SDK1: variants seen among roughly 807,000 people sequenced by gnomAD.
SDK1 encodes the protein sidekick cell adhesion molecule 1, also known as protein sidekick-1.
In SDK1, 157 loss-of-function variants were observed where a neutral mutation model predicts 245.5. The ratio of observed to expected loss-of-function variants is 0.64; its 90% CI spans 0.56 to 0.73. The LOEUF is 0.73. Ranked by LOEUF, SDK1 falls within the 30% of genes least tolerant of loss-of-function variation. The pLI, the probability that SDK1 is intolerant of heterozygous loss-of-function variation, is 0.00. For synonymous variants in SDK1, 1,647 were observed against 1,278.5 expected, an observed-to-expected ratio of 1.29 and a Z score of -6.15; for missense variants, 3,583 against 3,002.3, an observed-to-expected ratio of 1.19 and a Z score of -4.52.
At chr7:3,966,190 G>A (rs1201541989) in intron 9 of SDK1, among the ~76,000 whole-genome samples, 1 of 152,050 alleles carries the variant, frequency 6.6e-6, no homozygotes, top group African/African-American at 2.4e-5. Flanking sequence ...GGTTGCCTGC[G>A]AGGTGGAGAG....
Position 3,545,595 on chromosome 7 carries a change from C to T in SDK1, c.299-73485C>T, listed in dbSNP as rs116400614. Among the ~76,000 whole-genome samples the T allele has an allele frequency of 5.9e-3, 892 of 152,296 alleles. 5 individuals are homozygous for T. The highest frequency in any genetic ancestry group is 0.02 in the African/African-American group (819 of 41,566). Reference sequence around the variant, plus strand: ...CATCCTAGCACCTAGTTTACAGGCACTAAGTGAATATTACATGATTGAAAT... The same window carrying T: ...CATCCTAGCACCTAGTTTACAGGCATTAAGTGAATATTACATGATTGAAAT... On this transcript the variant is annotated intron_variant, in intron 1 of 44. Transcript: ENST00000404826.
chr7:4,220,318 C>T, intron 39 of SDK1, 48 bp downstream of exon 39: 1 of 1,577,238 alleles, frequency 6.3e-7, no homozygotes, highest in Non-Finnish European at 8.7e-7. Context: ...ACTTTAGCCT[C>T]CCGCCTCCTG....
At chr7:3,655,782 C>G (rs1200134931) in intron 4 of SDK1, among the ~76,000 whole-genome samples, 1 of 151,834 alleles carries the variant, frequency 6.6e-6, no homozygotes, top group African/African-American at 2.4e-5. Flanking sequence ...ACTAAGTACA[C>G]TAGATCGAGA....
intron 32 of SDK1, among the ~76,000 whole-genome samples, chr7:4,170,172 G>T (rs968511668): frequency 8.5e-5 from 13 of 152,192 alleles, no homozygotes; most frequent in African/African-American, 2.7e-4. Context: ...TTCAGTCTCA[G>T]CTGTGGCCCA....
At chr7:3,621,948 T>C (rs924625433) in intron 2 of SDK1, among the ~76,000 whole-genome samples, 1 of 152,246 alleles carries the variant, frequency 6.6e-6, no homozygotes, top group Non-Finnish European at 1.5e-5. Flanking sequence ...TTATAGTATT[T>C]AATAAGTCAC....
At chr7:3,635,184 T>C (rs1782418270) in intron 2 of SDK1, among the ~76,000 whole-genome samples, 1 of 152,224 alleles carries the variant, frequency 6.6e-6, no homozygotes, top group Non-Finnish European at 1.5e-5. Flanking sequence ...TTTGACATTA[T>C]TGTGATTGTA....
rs372707911 is a variant in SDK1, at chr7:4,266,295, A to G, written c.*911A>G. On this transcript the variant is annotated 3_prime_UTR_variant, in exon 45 of 45. Transcript: ENST00000404826. The stretch of plus-strand genomic sequence containing the variant: ...CTTTTTTTAAACTATGTCACATGAA[A>G]TGAATGCGTCTTTGCTGTCTCCAGG... 2 of 985,434 alleles carry G rather than the reference A, an allele frequency of 2.0e-6. No homozygotes were observed. Among genetic ancestry groups the G allele is most frequent in the Non-Finnish European group, 2.4e-6 (2 of 829,912 alleles). 61.0% of individuals were successfully genotyped at this position (985,434 alleles called of 1,614,324 possible). A position where few individuals can be genotyped will look rare whatever the true frequency, so the allele number is the denominator to read the frequency against.
chr7:3,494,873 T>C (rs7794763), intron 1 of SDK1, among the ~76,000 whole-genome samples: 89,633 of 152,080 alleles, frequency 0.59, 26,828 homozygotes, highest in South Asian at 0.77. Context: ...AGGATTTCTT[T>C]ACACTTCTGC....
At chr7:3,770,565 C>T (rs1442501790) in intron 4 of SDK1, among the ~76,000 whole-genome samples, 1 of 152,186 alleles carries the variant, frequency 6.6e-6, no homozygotes. Flanking sequence ...ACATTCTCAC[C>T]AGCAACGTCT....
intron 17 of SDK1, among the ~76,000 whole-genome samples, chr7:4,046,606 T>A (rs1789031339): frequency 6.6e-6 from 1 of 152,220 alleles, no homozygotes; most frequent in South Asian, 2.1e-4. Context: ...GATATATGTG[T>A]GAGTAATTTC....
intron 19 of SDK1, among the ~76,000 whole-genome samples, chr7:4,062,476 A>C (rs895812996): frequency 6.6e-6 from 1 of 152,186 alleles, no homozygotes; most frequent in African/African-American, 2.4e-5. Flanking sequence ...AACTCTCCCA[A>C]CAAAGAAAAA....
At chr7:3,878,951 A>T (rs908461448) in intron 5 of SDK1, among the ~76,000 whole-genome samples, 1 of 152,198 alleles carries the variant, frequency 6.6e-6, no homozygotes, top group African/African-American at 2.4e-5. Flanking sequence ...ATAAAAAAAA[A>T]TTTTAATTAA....
At chr7:3,463,431 C>A (rs984383512) in intron 1 of SDK1, among the ~76,000 whole-genome samples, 5 of 152,040 alleles carry the variant, frequency 3.3e-5, no homozygotes, top group African/African-American at 1.2e-4. Context: ...TTTTGTGTGA[C>A]CTTGGACAAG....
chr7:3,656,958 A>G (rs2128657984), intron 4 of SDK1, among the ~76,000 whole-genome samples: 1 of 151,824 alleles, frequency 6.6e-6, no homozygotes, highest in Non-Finnish European at 1.5e-5. Flanking sequence ...CTTGTTAGCC[A>G]GGATGGTCTC....
intron 1 of SDK1, among the ~76,000 whole-genome samples, chr7:3,382,745 A>G (rs561109351): frequency 6.6e-6 from 1 of 152,300 alleles, no homozygotes; most frequent in South Asian, 2.1e-4. Flanking sequence ...AAACATAGAG[A>G]AAAATCATTA....
intron 1 of SDK1, among the ~76,000 whole-genome samples, chr7:3,564,186 A>C (rs1368509955): frequency 6.6e-6 from 1 of 152,190 alleles, no homozygotes; most frequent in Admixed American, 6.5e-5. Context: ...GAAACAAGAT[A>C]GAAAAATAAA....
intron 1 of SDK1, among the ~76,000 whole-genome samples, chr7:3,537,872 T>A (rs370414103): frequency 6.6e-6 from 1 of 152,164 alleles, no homozygotes; most frequent in Non-Finnish European, 1.5e-5. Context: ...CAAATCCAGG[T>A]AATCTCCCTG....
intron 1 of SDK1, among the ~76,000 whole-genome samples, chr7:3,551,153 T>C (rs1257971984): frequency 6.6e-6 from 1 of 152,216 alleles, no homozygotes; most frequent in African/African-American, 2.4e-5. Flanking sequence ...TAACCGTAGT[T>C]TGTCAGGAGT....
rs558803730 is a variant in SDK1, at chr7:3,466,471, T to C, written c.299-152609T>C. Among the ~76,000 whole-genome samples the C allele has an allele frequency of 5.5e-5, 8 of 145,480 alleles. No homozygotes were observed. In the South Asian group the frequency reaches 1.9e-3, roughly 35 times the overall value. On this transcript the variant is annotated intron_variant, in intron 1 of 44. Transcript: ENST00000404826. Reference sequence around the variant, plus strand: ...CATTTTTATCTAGTATGCGTCCTAATCTCAAGGATCCAGCTAAGTTGTGTG... The same window carrying C: ...CATTTTTATCTAGTATGCGTCCTAACCTCAAGGATCCAGCTAAGTTGTGTG...
Sources: allele counts gnomAD v4.1 joint callset (sites outside exome capture counted in the v4.1 genomes callset), GRCh38; gene constraint gnomAD v4.1.1; transcripts MANE v1.5; gene names NCBI Gene and HGNC (gene_info 2026-07-23, HGNC 2026-07-21).